The following TYW3 variants were observed in gnomAD, a reference collection of about 807,000 sequenced individuals.
The protein encoded by TYW3 is tRNA wybutosine-synthesizing protein 3 homolog.
A neutral mutation model predicts 23.1 loss-of-function variants in TYW3; 26 were observed. That is an observed-to-expected ratio of 1.13 (90% CI 0.83 to 1.56). The LOEUF (loss-of-function observed/expected upper bound fraction) is 1.56, where lower values mean the gene tolerates loss of function less well. Ranked by LOEUF, TYW3 falls within the 40% of genes most tolerant of loss-of-function variation. The probability of loss-of-function intolerance (pLI) is 0.00; values close to 1 mark genes in which losing one functional copy is unlikely to be tolerated. For synonymous variants in TYW3, 102 were observed against 105.7 expected (o/e 0.97, Z 0.21); for missense variants, 316 against 311.9 (o/e 1.01, Z -0.10).
At chr1:74,734,721 C>T (rs1648079544) in intron 1 of TYW3, among the ~76,000 whole-genome samples, 1 of 152,184 alleles carries the variant, frequency 6.6e-6, no homozygotes, top group Non-Finnish European at 1.5e-5. Flanking sequence ...GGAAAGCTAT[C>T]TCAACTCTGC....
chr1:74,763,501 A>C (rs1186130132), intron 5 of TYW3, among the ~76,000 whole-genome samples: 2 of 152,176 alleles, frequency 1.3e-5, no homozygotes, highest in Non-Finnish European at 2.9e-5. Flanking sequence ...AATAAACTGA[A>C]AAGAAAAATA....
chr1:74,756,807 A>G (rs1373302485), intron 5 of TYW3, among the ~76,000 whole-genome samples: 3 of 152,200 alleles, frequency 2.0e-5, no homozygotes, highest in Admixed American at 1.3e-4. Flanking sequence ...AGTCCCTCCC[A>G]TCACAGGCCC....
At chr1:74,750,524 A>G (rs1415811937) in intron 4 of TYW3, among the ~76,000 whole-genome samples, 5 of 151,898 alleles carry the variant, frequency 3.3e-5, no homozygotes. Context: ...AGATCATGCC[A>G]CTGCACTCCA....
intron 3 of TYW3, among the ~76,000 whole-genome samples, chr1:74,746,072 A>G (rs879304671): frequency 4.6e-5 from 7 of 152,244 alleles, no homozygotes; most frequent in Admixed American, 1.3e-4. Flanking sequence ...GAAGCCCTGT[A>G]GACACAATTC....
intron 1 of TYW3, 83 bp from the exon 2 acceptor site, chr1:74,736,459 A>C (rs1038503184): frequency 3.3e-6 from 3 of 911,250 alleles, no homozygotes; most frequent in Non-Finnish European, 4.6e-6. Context: ...TAATTTAAGA[A>C]AGCCTACAAT....
At chr1:74,761,331 A>G (rs1271771059) in intron 5 of TYW3, among the ~76,000 whole-genome samples, 1 of 151,676 alleles carries the variant, frequency 6.6e-6, no homozygotes, top group Non-Finnish European at 1.5e-5. Context: ...TTGAATTCTT[A>G]GGTTCTTTAA....
At chr1:74,743,412 T>A (rs1465865705) in intron 3 of TYW3, among the ~76,000 whole-genome samples, 1 of 152,188 alleles carries the variant, frequency 6.6e-6, no homozygotes, top group East Asian at 1.9e-4. Flanking sequence ...GGCTTGCTTT[T>A]GGAGCTTTCT....
intron 2 of TYW3, among the ~76,000 whole-genome samples, chr1:74,738,115 A>AC (rs1036163419): frequency 7.6e-6 from 1 of 130,958 alleles, no homozygotes; most frequent in African/African-American, 2.8e-5. Flanking sequence ...GGGAAAAAAA[A>AC]ACAAACAAAA....
intron 5 of TYW3, among the ~76,000 whole-genome samples, chr1:74,753,960 T>C (rs533174119): frequency 6.6e-6 from 1 of 152,302 alleles, no homozygotes; most frequent in South Asian, 2.1e-4. Context: ...AGCCACACCC[T>C]GGTTGAGAAA....
At chr1:74,738,899 A>G (rs888912818) in intron 3 of TYW3, 111 bp downstream of exon 3, 17 of 607,868 alleles carry the variant, frequency 2.8e-5, no homozygotes, top group Non-Finnish European at 4.6e-5. Context: ...TCAACTAGTT[A>G]TGTATATATT....
At chr1:74,760,894 C>T (rs1249170650) in intron 5 of TYW3, among the ~76,000 whole-genome samples, 1 of 152,214 alleles carries the variant, frequency 6.6e-6, no homozygotes, top group African/African-American at 2.4e-5. Flanking sequence ...GGTTTTCTAA[C>T]TGACGTTGAA....
chr1:74,734,370 T>C (rs1326667503), intron 1 of TYW3, among the ~76,000 whole-genome samples: 1 of 152,186 alleles, frequency 6.6e-6, no homozygotes, highest in African/African-American at 2.4e-5. Context: ...GTGCTTGTGT[T>C]CAAGTAACTC....
At chr1:74,752,174 T>C in intron 4 of TYW3, 118 bp from the exon 5 acceptor site, 1 of 1,026,714 alleles carries the variant, frequency 9.7e-7, no homozygotes, top group Non-Finnish European at 1.4e-6. Flanking sequence ...AGCGCTAACT[T>C]AACTGTTGTA....
chr1:74,759,328 C>T (rs1307066070), intron 5 of TYW3, among the ~76,000 whole-genome samples: 1 of 151,724 alleles, frequency 6.6e-6, no homozygotes, highest in Non-Finnish European at 1.5e-5. Flanking sequence ...TCTTAGATTC[C>T]TCATAGTTGC....
rs1047475842 is a variant in TYW3 at position 74,765,878 on chromosome 1, A to G, written c.*1765A>G. ...CTAATCTGTTTATATAAGGTATAGT[A>G]TAGTATAATCTGTTTATATAAGGTT... On this transcript the variant is annotated 3_prime_UTR_variant, in exon 6 of 6. Transcript: ENST00000370867. 18 of 152,156 alleles carry G rather than the reference A, an allele frequency of 1.2e-4. No individual in the cohort carries two copies. The highest frequency in any genetic ancestry group is 3.1e-4 in the African/African-American group (13 of 41,456). The allele number at this position is 152,156 out of a possible 1,614,324, so 9.4% of individuals were successfully genotyped here. A position where few individuals can be genotyped will look rare whatever the true frequency, so the allele number is the denominator to read the frequency against.
rs1032473627 is a variant in TYW3 at position 74,765,316 on chromosome 1, G to A, written c.*1203G>A. On this transcript the variant is annotated 3_prime_UTR_variant, in exon 6 of 6. Transcript: ENST00000370867. Reference sequence around the variant, plus strand: ...GTACACTTTATAGGAGAATAAGCAAGAGCTTAGGTAAGTTATAGTCCTTAC... The same window carrying A: ...GTACACTTTATAGGAGAATAAGCAAAAGCTTAGGTAAGTTATAGTCCTTAC... 5.3e-5 allele frequency: 8 copies of A among 152,184 alleles called. No individual in the cohort carries two copies. Among genetic ancestry groups the A allele is most frequent in the Admixed American group, 4.6e-4 (7 of 15,250 alleles). 9.4% of individuals were successfully genotyped at this position (152,184 alleles called of 1,614,324 possible).
At position 74,763,900 on chromosome 1, in the gene TYW3, C is replaced by G. The variant is rs1333419628; in HGVS notation, c.567C>G (p.Tyr189Ter). 5.7e-6 allele frequency: 9 copies of G among 1,591,738 alleles called. No individual in the cohort carries two copies. The highest frequency in any genetic ancestry group is 7.7e-6 in the Non-Finnish European group (9 of 1,174,392). Residue 189 changes from tyrosine to a stop codon, truncating the protein, a stop_gained, in exon 6 of 6, where the codon TAC becomes TAG. Transcript: ENST00000370867. LOFTEE classifies it low-confidence loss of function (END_TRUNC). ...EENKKRIERF[Y>*]NCLQHALERE... ...AGTACTTATTTCTTCACAGGTTTTACAACTGCCTACAGCATGCTTTGGAAA... is the reference window on the plus strand; with the variant it reads ...AGTACTTATTTCTTCACAGGTTTTAGAACTGCCTACAGCATGCTTTGGAAA...
At chr1:74,762,384 C>A (rs1449876353) in intron 5 of TYW3, among the ~76,000 whole-genome samples, 1 of 152,102 alleles carries the variant, frequency 6.6e-6, no homozygotes, top group East Asian at 1.9e-4. Context: ...TATAATAGGA[C>A]ATAAAAGTAA....
At chr1:74,735,110 TA>T (rs1648103165) in intron 1 of TYW3, among the ~76,000 whole-genome samples, 2 of 152,224 alleles carry the variant, frequency 1.3e-5, no homozygotes, top group Admixed American at 1.3e-4. Context: ...ACAAGCCACT[TA>T]ACTATTCTTC....
Sources: allele counts gnomAD v4.1 joint callset (sites outside exome capture counted in the v4.1 genomes callset), GRCh38; gene constraint gnomAD v4.1.1; transcripts MANE v1.5; gene names NCBI Gene and HGNC (gene_info 2026-07-23, HGNC 2026-07-21).